Variants in PCDHGA1 observed in about 807,000 individuals in gnomAD.
The protein encoded by PCDHGA1 is protocadherin gamma subfamily A, 1, also known as protocadherin gamma-A1.
In PCDHGA1, 32 loss-of-function variants were observed where a neutral mutation model predicts 58.0. The ratio of observed to expected loss-of-function variants is 0.55; its 90% confidence interval spans 0.42 to 0.74. The LOEUF is 0.74. Ranked by LOEUF, PCDHGA1 falls within the 30% of genes least tolerant of loss-of-function variation. The pLI, the probability that PCDHGA1 is intolerant of heterozygous loss-of-function variation, is 0.00. For synonymous variants in PCDHGA1, 498 were observed against 501.1 expected, an observed-to-expected ratio of 0.99 and a Z score of 0.08; for missense variants, 1,205 against 1,182.3, an observed-to-expected ratio of 1.02 and a Z score of -0.28.
chr5:141,511,049 G>A lies in PCDHGA1; in HGVS notation c.2672G>A (p.Arg891His), dbSNP rs61749029. 408 of 1,614,098 alleles carry A rather than the reference G, an allele frequency of 2.5e-4. No individual in the cohort carries two copies. Among genetic ancestry groups the A allele is most frequent in the South Asian group, 7.2e-4 (66 of 91,094 alleles). Residue 891 changes from arginine (R) to histidine (H), a missense_variant, in exon 4 of 4, where the codon CGC becomes CAC. Transcript: ENST00000517417. ...QFTLQHVPDY[R>H]QNVYIPGSNA... ...ACCCTGCAGCACGTGCCCGACTACC[G>A]CCAGAATGTCTACATCCCAGGCAGC...
At position 141,384,374 on chromosome 5, in the gene PCDHGA1, C is replaced by T; in HGVS notation, c.2421+51269C>T. 3.1e-6 allele frequency: 5 copies of T among 1,613,920 alleles called. No individual in the cohort carries two copies. In the South Asian group the frequency reaches 5.5e-5, roughly 18 times the overall value. ...AATGCCCAGATCACTTATTCCTTGG[C>T]CGAAGACACCATCCAGGGGGCTCCA... is the stretch of plus-strand genomic sequence containing the variant. On this transcript the variant is annotated intron_variant, in intron 1 of 3. Transcript: ENST00000517417.
chr5:141,388,043 C>T (rs952133270), intron 1 of PCDHGA1: 6 of 1,412,324 alleles, frequency 4.2e-6, no homozygotes, highest in Middle Eastern at 5.0e-4. Flanking sequence ...TCGCCACGGA[C>T]CTGGGGTTCA....
At chr5:141,360,610 G>T (rs1761672138) in intron 1 of PCDHGA1, 1 of 1,614,000 alleles carries the variant, frequency 6.2e-7, no homozygotes, top group Non-Finnish European at 8.5e-7. Flanking sequence ...CCCAGCCCTG[G>T]ATTCAGATGT....
At chr5:141,388,333 C>G (rs962073146) in intron 1 of PCDHGA1, 1 of 1,613,738 alleles carries the variant, frequency 6.2e-7, no homozygotes, top group African/African-American at 1.3e-5. Flanking sequence ...CAGCCTGGCA[C>G]ACGATTTATA....
intron 1 of PCDHGA1, chr5:141,393,417 A>G (rs2092754726): frequency 6.2e-6 from 10 of 1,614,032 alleles, no homozygotes; most frequent in Non-Finnish European, 8.5e-6. Flanking sequence ...CGCCCTGGAC[A>G]GGGAGGAAGA....
chr5:141,387,177 T>C (rs989484840), intron 1 of PCDHGA1, among the ~76,000 whole-genome samples: 2 of 152,184 alleles, frequency 1.3e-5, no homozygotes, highest in Non-Finnish European at 2.9e-5. Context: ...AATTGCACCT[T>C]CTAAAAGGCA....
At position 141,370,864 on chromosome 5, in the gene PCDHGA1, C is replaced by T. The variant is rs372472671; in HGVS notation, c.2421+37759C>T. 2.7e-5 allele frequency: 43 copies of T among 1,614,034 alleles called. 1 individual carries two copies. The highest frequency in any genetic ancestry group is 3.6e-5 in the Non-Finnish European group (42 of 1,179,900). On this transcript the variant is annotated intron_variant, in intron 1 of 3. Coordinates refer to ENST00000517417, the MANE Select transcript of PCDHGA1 (RefSeq NM_018912.3). The stretch of plus-strand genomic sequence containing the variant: ...GGAGCCACATTTGCCCTGGAATCTG[C>T]GCAAGATCCTGATGTAGGTGTCAAT...
At chr5:141,365,648 T>C in intron 1 of PCDHGA1, 1 of 1,613,486 alleles carries the variant, frequency 6.2e-7, no homozygotes, top group East Asian at 2.2e-5. Context: ...CCACATCCCC[T>C]TGAAAGTAGC....
rs1171628790 is a variant in PCDHGA1 at position 141,352,592 on chromosome 5, T to A, written c.2421+19487T>A. The A allele has an allele frequency of 1.9e-6, 3 of 1,613,672 alleles. No homozygotes were observed. In the East Asian group the frequency reaches 6.7e-5, roughly 36 times the overall value. Reference sequence around the variant, plus strand: ...AATGGCTCCCCCTCAGGATCTGCTGTGTGATGATCCTTCTATGGTTGTATG... The same window carrying A: ...AATGGCTCCCCCTCAGGATCTGCTGAGTGATGATCCTTCTATGGTTGTATG... On this transcript the variant is annotated intron_variant, in intron 1 of 3. Coordinates refer to ENST00000517417, the MANE Select transcript of PCDHGA1 (RefSeq NM_018912.3).
chr5:141,400,590 T>G (rs775174347), intron 1 of PCDHGA1: 2 of 1,604,848 alleles, frequency 1.2e-6, no homozygotes, highest in South Asian at 1.1e-5. Flanking sequence ...CATGAAACTA[T>G]CGTACATTTT....
At position 141,491,613 on chromosome 5, in the gene PCDHGA1, A is replaced by AC; in HGVS notation, c.2422-3190dup. On this transcript the variant is annotated intron_variant, in intron 1 of 3. Coordinates refer to ENST00000517417, the MANE Select transcript of PCDHGA1 (RefSeq NM_018912.3). The surrounding 1 kb of genome is among the most constrained non-coding windows in gnomAD (Gnocchi z 6.9). Reference sequence around the variant, plus strand: ...ACGGCAGTGACTTCACTTTTCTAAGACCCCTCAGCGTTCAGCAGCCCACAG... The same window carrying AC: ...ACGGCAGTGACTTCACTTTTCTAAGACCCCCTCAGCGTTCAGCAGCCCACAG... 6.2e-7 allele frequency: 1 copy of AC among 1,613,568 alleles called. No homozygotes were observed. Among genetic ancestry groups the AC allele is most frequent in the Non-Finnish European group, 8.5e-7 (1 of 1,179,968 alleles).
intron 1 of PCDHGA1, chr5:141,382,820 A>T (rs1369130732): frequency 3.1e-6 from 4 of 1,304,848 alleles, no homozygotes; most frequent in Non-Finnish European, 4.2e-6. Context: ...CCTTCCTAAG[A>T]CAGAGGGGTC....
rs756612454 is a variant in PCDHGA1, at chr5:141,372,732, C to A, written c.2421+39627C>A. On this transcript the variant is annotated intron_variant, in intron 1 of 3. Coordinates refer to ENST00000517417, the MANE Select transcript of PCDHGA1 (RefSeq NM_018912.3). Reference sequence around the variant, plus strand: ...GGCTGAAAATGCTGCACCACAAGATCTTCTATGTGATGAAGCCTCTTGGTT... The same window carrying A: ...GGCTGAAAATGCTGCACCACAAGATATTCTATGTGATGAAGCCTCTTGGTT... 8 of 1,613,376 alleles carry A rather than the reference C, an allele frequency of 5.0e-6. No homozygotes were observed. In the South Asian group the frequency reaches 8.8e-5, roughly 18 times the overall value.
chr5:141,457,574 T>C (rs992522039), intron 1 of PCDHGA1, among the ~76,000 whole-genome samples: 2 of 152,238 alleles, frequency 1.3e-5, no homozygotes, highest in Non-Finnish European at 2.9e-5. Context: ...AAAATTTTTC[T>C]CTCCAGTCCT....
intron 1 of PCDHGA1, among the ~76,000 whole-genome samples, chr5:141,452,585 G>A (rs1310395736): frequency 6.6e-6 from 1 of 151,984 alleles, no homozygotes; most frequent in Non-Finnish European, 1.5e-5. Context: ...TTCCATCTTT[G>A]TATTTTTATT....
chr5:141,473,163 G>T (rs1379230893), intron 1 of PCDHGA1, among the ~76,000 whole-genome samples: 2 of 152,160 alleles, frequency 1.3e-5, no homozygotes, highest in Non-Finnish European at 1.5e-5. Flanking sequence ...GGGCTAGGAA[G>T]GCCCACTGGT....
At chr5:141,355,533 A>C in intron 1 of PCDHGA1, 1 of 1,614,070 alleles carries the variant, frequency 6.2e-7, no homozygotes, top group Non-Finnish European at 8.5e-7. Flanking sequence ...TTCTTCTAGA[A>C]GATACAGTGA....
At chr5:141,367,112 C>A in intron 1 of PCDHGA1, 1 of 221,126 alleles carries the variant, frequency 4.5e-6, no homozygotes. Context: ...GCCTAGACAC[C>A]ATTAGTGAAT....
chr5:141,370,949 C>A (rs1317760178), intron 1 of PCDHGA1: 2 of 1,613,980 alleles, frequency 1.2e-6, no homozygotes, highest in East Asian at 2.2e-5. Context: ...AGAAGGAGAA[C>A]CTGGATGGCA....
Sources: allele counts gnomAD v4.1 joint callset (sites outside exome capture counted in the v4.1 genomes callset), GRCh38; gene constraint gnomAD v4.1.1; non-coding constraint Gnocchi (gnomAD v3.1); transcripts MANE v1.5; gene names NCBI Gene and HGNC (gene_info 2026-07-23, HGNC 2026-07-21).